The following HSD17B7 variants were observed in gnomAD, a reference collection of about 807,000 sequenced individuals.
HSD17B7 encodes the protein 3-keto-steroid reductase/17-beta-hydroxysteroid dehydrogenase 7.
HSD17B7 carries 17 observed loss-of-function variants against 34.1 expected under a neutral mutation model. The observed-to-expected ratio is 0.50, with a 90% CI of 0.34 to 0.75. The LOEUF is 0.75. HSD17B7 is among the 30% of genes least tolerant of loss of function. The pLI is 0.01. For synonymous variants in HSD17B7, 122 were observed against 154.6 expected (o/e 0.79, Z 1.56); for missense variants, 296 against 406.6 (o/e 0.73, Z 2.34).
intron 5 of HSD17B7, chr1:162,803,168 A>G: frequency 4.3e-6 from 1 of 233,420 alleles, no homozygotes; most frequent in Admixed American, 5.1e-5. Context: ...AAGATTGGTT[A>G]TTTTTTATAC....
chr1:162,792,802 T>C lies in HSD17B7; in HGVS notation c.179T>C (p.Val60Ala). Residue 60 changes from valine (V) to alanine (A), a missense_variant, in exon 2 of 9, where the codon GTC (valine) becomes GCC (alanine). Physicochemically the swap from Val to Ala is moderately conservative, Grantham distance 64. Coordinates refer to ENST00000254521, the MANE Select transcript of HSD17B7 (RefSeq NM_016371.4). ...CACCCCACTGCTGAGGTCACCATTG[T>C]CCAGGTGGATGTCAGCAACCTGCAG... is the stretch of plus-strand genomic sequence containing the variant. ...ASHPTAEVTI[V>A]QVDVSNLQSV... 2 of 1,614,216 alleles carry C rather than the reference T, an allele frequency of 1.2e-6. No homozygotes were observed. The highest frequency in any genetic ancestry group is 2.7e-5 in the African/African-American group (2 of 75,062).
intron 8 of HSD17B7, among the ~76,000 whole-genome samples, chr1:162,811,847 A>T (rs553874543): frequency 6.6e-6 from 1 of 152,306 alleles, no homozygotes; most frequent in Admixed American, 6.5e-5. Context: ...TCTGGCACCC[A>T]TTGTTTCAAT....
intron 3 of HSD17B7, 31 bp from the exon 4 acceptor site, chr1:162,797,771 A>G (rs751012589): frequency 6.3e-7 from 1 of 1,596,676 alleles, no homozygotes. Context: ...GAAGCTTTAA[A>G]AAGTCATGCA....
intron 1 of HSD17B7, 39 bp downstream of exon 1, chr1:162,790,874 C>T (rs946180734): frequency 7.5e-6 from 12 of 1,601,626 alleles, no homozygotes; most frequent in Non-Finnish European, 1.0e-5. Context: ...GGCAGCGGAT[C>T]AGGGGTCCGA....
chr1:162,796,631 A>G lies in HSD17B7; in HGVS notation c.286A>G (p.Asn96Asp), dbSNP rs1648620631. 1.9e-6 allele frequency: 3 copies of G among 1,612,726 alleles called. No homozygotes were observed. The East Asian group carries it at 6.7e-5, about 36-fold the overall frequency. Residue 96 changes from asparagine (N) to aspartate (D), a missense_variant, in exon 3 of 9, where the codon AAT becomes GAT. Asn to Asp is a conservative substitution (Grantham distance 23, BLOSUM62 1). Coordinates refer to ENST00000254521, the MANE Select transcript of HSD17B7 (RefSeq NM_016371.4). ...ATATCTAAATGCTGGGATCATGCCT[A>G]ATCCACAACTAAATATCAAAGCACT... ...CIYLNAGIMP[N>D]PQLNIKALFF...
chr1:162,793,126 TG>T (rs1293319741), intron 2 of HSD17B7: 1 of 170,672 alleles, frequency 5.9e-6, no homozygotes, highest in Non-Finnish European at 1.1e-5. Context: ...CTCCACCTCC[TG>T]GGTTCCAAGT....
intron 8 of HSD17B7, among the ~76,000 whole-genome samples, chr1:162,808,908 T>C (rs1198538247): frequency 2.3e-4 from 35 of 152,122 alleles, no homozygotes; most frequent in Admixed American, 1.9e-3. Flanking sequence ...ATCATGTAAT[T>C]TGCAAACAGG....
chr1:162,805,181 A>AT (rs1255324957), intron 7 of HSD17B7, among the ~76,000 whole-genome samples: 2 of 152,256 alleles, frequency 1.3e-5, no homozygotes, highest in Non-Finnish European at 2.9e-5. Flanking sequence ...AAATGCATTT[A>AT]TTGTAGGAAT....
At chr1:162,810,969 G>A (rs2805054) in intron 8 of HSD17B7, among the ~76,000 whole-genome samples, 17,370 of 151,912 alleles carry the variant, frequency 0.11, 1,479 homozygotes, top group African/African-American at 0.25. Flanking sequence ...ATATTGTTAT[G>A]TGTGAATTTG....
Position 162,790,836 on chromosome 1 carries a change from G to T in HSD17B7, c.35+1G>T. On this transcript the variant is annotated splice_donor_variant, in intron 1 of 8. Transcript: ENST00000254521. LOFTEE classifies it high-confidence loss of function. ...TGGTTTTGATCACCGGGGCTAGCAG[G>T]TGAGGCCTCCTTTGGGTTGGCAGAG... The T allele has an allele frequency of 6.2e-7, 1 of 1,613,926 alleles. No homozygotes were observed. The highest frequency in any genetic ancestry group is 8.5e-7 in the Non-Finnish European group (1 of 1,179,914).
chr1:162,811,981 T>C (rs1292553735), intron 8 of HSD17B7, among the ~76,000 whole-genome samples: 1 of 152,222 alleles, frequency 6.6e-6, no homozygotes. Context: ...ACTCTTGATT[T>C]TTCTGTTTTG....
chr1:162,795,151 A>G (rs1213208275), intron 2 of HSD17B7, among the ~76,000 whole-genome samples: 2 of 152,162 alleles, frequency 1.3e-5, no homozygotes, highest in Non-Finnish European at 2.9e-5. Context: ...ATGTCAAGAA[A>G]CTACACCCAG....
chr1:162,803,676 T>G, intron 6 of HSD17B7, 141 bp downstream of exon 6: 2 of 1,014,454 alleles, frequency 2.0e-6, no homozygotes, highest in Non-Finnish European at 2.9e-6. Flanking sequence ...TTACTTAATG[T>G]GAAACCTCTG....
intron 8 of HSD17B7, among the ~76,000 whole-genome samples, chr1:162,809,650 TA>T (rs1649109374): frequency 6.6e-6 from 1 of 152,170 alleles, no homozygotes; most frequent in South Asian, 2.1e-4. Context: ...CAGATCCTGT[TA>T]TTGGTCTATT....
intron 5 of HSD17B7, chr1:162,800,246 C>T (rs1431138071): frequency 1.9e-6 from 1 of 515,058 alleles, no homozygotes; most frequent in Non-Finnish European, 3.8e-6. Flanking sequence ...CATTAAATAC[C>T]TGCCTCATTA....
At position 162,799,871 on chromosome 1, in the gene HSD17B7, C is replaced by T. The variant is rs922349694; in HGVS notation, c.576C>T (p.Pro192=). 1 of 1,613,922 alleles carries T rather than the reference C, an allele frequency of 6.2e-7. No homozygotes were observed. The highest frequency in any genetic ancestry group is 1.3e-5 in the African/African-American group (1 of 74,912). ...TCCAGCACAGCAAAGGCAAGGAACC[C>T]TACAGCTCTTCCAAATATGCCACTG... The part of the protein sequence containing the change: ...EDFQHSKGKE[P]YSSSKYATDL... Residue 192 remains proline, a synonymous_variant, in exon 5 of 9, where the codon CCC becomes CCT. Coordinates refer to ENST00000254521, the MANE Select transcript of HSD17B7 (RefSeq NM_016371.4).
At chr1:162,802,735 AAGAGGCATGATCCC>A (rs1044960298) in intron 5 of HSD17B7, among the ~76,000 whole-genome samples, 1 of 152,228 alleles carries the variant, frequency 6.6e-6, no homozygotes, top group African/African-American at 2.4e-5. Flanking sequence ...AAATCCCAAT[AAGAGGCATGATCCC>A]AGGGCTCCAG....
At chr1:162,808,179 T>C (rs1300187814) in intron 8 of HSD17B7, among the ~76,000 whole-genome samples, 2 of 152,238 alleles carry the variant, frequency 1.3e-5, no homozygotes, top group Admixed American at 1.3e-4. Context: ...TTCAGCTTTC[T>C]ACATATGGCT....
At chr1:162,796,126 G>A (rs532193991) in intron 2 of HSD17B7, among the ~76,000 whole-genome samples, 65 of 152,192 alleles carry the variant, frequency 4.3e-4, no homozygotes, top group African/African-American at 1.4e-3. Context: ...AATAGATCAG[G>A]TCAGGTGAAT....
Sources: allele counts gnomAD v4.1 joint callset (sites outside exome capture counted in the v4.1 genomes callset), GRCh38; gene constraint gnomAD v4.1.1; transcripts MANE v1.5; gene names NCBI Gene and HGNC (gene_info 2026-07-23, HGNC 2026-07-21).